Variants in PJA2 observed in about 807,000 individuals in gnomAD.
The protein encoded by PJA2 is E3 ubiquitin-protein ligase Praja-2.
PJA2 carries 25 observed loss-of-function variants against 69.3 expected under a neutral mutation model. The observed-to-expected ratio is 0.36, with a 90% confidence interval of 0.26 to 0.50. PJA2 has a LOEUF of 0.50. PJA2 is among the 20% of genes least tolerant of loss of function. The pLI is 0.96. For missense variants in PJA2, 809 were observed against 830.2 expected (o/e 0.97, Z 0.31); for synonymous variants, 308 against 277.8 (o/e 1.11, Z -1.08).
chr5:109,389,316 T>A (rs957372911), intron 1 of PJA2, among the ~76,000 whole-genome samples: 1 of 152,104 alleles, frequency 6.6e-6, no homozygotes, highest in Non-Finnish European at 1.5e-5. Flanking sequence ...TAAATTCAAC[T>A]ACCTTAATAG....
At chr5:109,407,592 A>G (rs2914711) in intron 1 of PJA2, among the ~76,000 whole-genome samples, 70,749 of 151,978 alleles carry the variant, frequency 0.47, 18,616 homozygotes, top group Middle Eastern at 0.6. Context: ...AGAAAAACAC[A>G]TAAGTTATAA....
rs183501068 is a variant in PJA2 at position 109,344,770 on chromosome 5, T to C, written c.1814A>G (p.Asn605Ser). Reference protein sequence around the residue: ...ESLAVDVEVANPPASKESIDG... With the variant: ...ESLAVDVEVASPPASKESIDG... ...AATGCTTTCCTTACTAGCTGGTGGATTGGCCACCTCAACATCCACTGCAAG... is the reference window on the plus strand; with the variant it reads ...AATGCTTTCCTTACTAGCTGGTGGACTGGCCACCTCAACATCCACTGCAAG... Residue 605 changes from asparagine to serine, a missense_variant, in exon 8 of 10, where the codon AAT (asparagine) becomes AGT (serine). Physicochemically the swap from Asn to Ser is conservative, Grantham distance 46. Coordinates refer to ENST00000361189, the MANE Select transcript of PJA2 (RefSeq NM_014819.5). 36 of 1,614,142 alleles carry C rather than the reference T, an allele frequency of 2.2e-5. No homozygotes were observed. Among genetic ancestry groups the C allele is most frequent in the Admixed American group, 6.7e-5 (4 of 60,026 alleles).
chr5:109,353,848 TAGATGTCTATGATATCTAG>T (rs1371564584), intron 7 of PJA2, among the ~76,000 whole-genome samples: 4 of 66,982 alleles, frequency 6.0e-5, no homozygotes, highest in African/African-American at 1.6e-4. Context: ...ATCTATAGAT[TAGATGTCTATGATATCTAG>T]AGATATCTAT....
At chr5:109,372,734 G>A (rs1267155817) in intron 4 of PJA2, among the ~76,000 whole-genome samples, 2 of 151,040 alleles carry the variant, frequency 1.3e-5, no homozygotes, top group Non-Finnish European at 3.0e-5. Flanking sequence ...GGAGAAAACT[G>A]GTCTCTACTA....
chr5:109,344,623 G>A (rs1762143487), intron 8 of PJA2, 82 bp downstream of exon 8: 3 of 907,620 alleles, frequency 3.3e-6, no homozygotes, highest in Non-Finnish European at 4.9e-6. Context: ...TAATAATCAA[G>A]TATTTAATTA....
chr5:109,387,335 T>C (rs1747181980), intron 1 of PJA2, among the ~76,000 whole-genome samples: 1 of 151,784 alleles, frequency 6.6e-6, no homozygotes, highest in Non-Finnish European at 1.5e-5. Flanking sequence ...GTATAAAAAA[T>C]AAGAAAAAAA....
At chr5:109,338,902 A>T (rs976295076) in intron 9 of PJA2, among the ~76,000 whole-genome samples, 8 of 152,318 alleles carry the variant, frequency 5.3e-5, no homozygotes, top group African/African-American at 1.9e-4. Context: ...ACTGACACAC[A>T]GCAGGCACAC....
At chr5:109,384,082 C>T (rs765562590) in intron 1 of PJA2, among the ~76,000 whole-genome samples, 1 of 152,164 alleles carries the variant, frequency 6.6e-6, no homozygotes, top group African/African-American at 2.4e-5. Flanking sequence ...TCAATGACAA[C>T]AACACATACA....
At chr5:109,383,366 A>C (rs779326933) in intron 2 of PJA2, 37 bp downstream of exon 2, 1 of 1,602,910 alleles carries the variant, frequency 6.2e-7, no homozygotes, top group Non-Finnish European at 8.5e-7. Context: ...AGGAAAAAAC[A>C]AGAAGTACTC....
rs1761937059 is a variant in PJA2 at position 109,336,247 on chromosome 5, T to C, written c.*984A>G. The C allele has an allele frequency of 1.3e-5, 2 of 152,242 alleles. No homozygotes were observed. Among genetic ancestry groups the C allele is most frequent in the African/African-American group, 4.8e-5 (2 of 41,458 alleles). The allele number at this position is 152,242 out of a possible 1,614,324, so 9.4% of individuals were successfully genotyped here. On this transcript the variant is annotated 3_prime_UTR_variant, in exon 10 of 10. Coordinates refer to ENST00000361189, the MANE Select transcript of PJA2 (RefSeq NM_014819.5). The stretch of plus-strand genomic sequence containing the variant: ...ATTTGTAAGTGAACTATTATGTCCA[T>C]GTTTGCACATACTCGTCCACTGTGT...
chr5:109,347,128 A>G (rs2126988647), intron 7 of PJA2, among the ~76,000 whole-genome samples: 1 of 152,388 alleles, frequency 6.6e-6, no homozygotes, highest in East Asian at 1.9e-4. Context: ...CATAGTTAAT[A>G]TTATTGAACA....
At chr5:109,366,858 G>A (rs930736692) in intron 5 of PJA2, among the ~76,000 whole-genome samples, 2 of 152,126 alleles carry the variant, frequency 1.3e-5, no homozygotes, top group Non-Finnish European at 2.9e-5. Flanking sequence ...GAGGCCAGGC[G>A]TGCTGGCTCA....
At chr5:109,364,342 G>A (rs568716079) in intron 5 of PJA2, among the ~76,000 whole-genome samples, 2 of 152,062 alleles carry the variant, frequency 1.3e-5, no homozygotes, top group South Asian at 2.1e-4. Context: ...TTTCAGTGTC[G>A]GCCGGGCGCG....
intron 4 of PJA2, among the ~76,000 whole-genome samples, chr5:109,370,032 CAAAAAAAAAAAA>C (rs1168528650): frequency 2.0e-5 from 1 of 49,096 alleles, no homozygotes; most frequent in African/African-American, 7.3e-5. Flanking sequence ...AACTCCCTCT[CAAAAAAAAAAAA>C]AAAAAAAAAA....
At chr5:109,346,911 A>C (rs1231672736) in intron 7 of PJA2, among the ~76,000 whole-genome samples, 1 of 152,238 alleles carries the variant, frequency 6.6e-6, no homozygotes, top group African/African-American at 2.4e-5. Flanking sequence ...ATATAGAAGA[A>C]GAATTCTGCC....
At chr5:109,354,537 TATAG>T (rs1762373436) in intron 7 of PJA2, among the ~76,000 whole-genome samples, 1 of 18,022 alleles carries the variant, frequency 5.5e-5, no homozygotes, top group Non-Finnish European at 1.2e-4. Context: ...CTATAATATC[TATAG>T]ATATCTATAT....
intron 1 of PJA2, among the ~76,000 whole-genome samples, chr5:109,403,571 A>T (rs1582633715): frequency 6.6e-6 from 1 of 151,910 alleles, no homozygotes; most frequent in Admixed American, 6.6e-5. Flanking sequence ...AAAAAAAAAA[A>T]TTTCACCAAT....
intron 1 of PJA2, among the ~76,000 whole-genome samples, chr5:109,401,715 A>T (rs1182483510): frequency 6.6e-6 from 1 of 152,232 alleles, no homozygotes; most frequent in Admixed American, 6.5e-5. Context: ...TTACCAGTAG[A>T]ATTGAAGTCC....
intron 7 of PJA2, among the ~76,000 whole-genome samples, chr5:109,347,701 C>T (rs1762191936): frequency 6.6e-6 from 1 of 152,224 alleles, no homozygotes; most frequent in Non-Finnish European, 1.5e-5. Flanking sequence ...TGGCTGTGTC[C>T]TTCCCAATAA....
Sources: gnomAD v4.1 joint callset for allele counts (sites outside exome capture counted in the v4.1 genomes callset) on GRCh38, gnomAD v4.1.1 for gene constraint, MANE v1.5 for transcripts, NCBI Gene and HGNC (gene_info 2026-07-23, HGNC 2026-07-21) for gene names.